The following TAB2 variants were observed in gnomAD, a reference collection of about 807,000 sequenced individuals.
TAB2 encodes TGF-beta activated kinase 1 (MAP3K7) binding protein 2.
In TAB2, 3 loss-of-function variants were observed where a neutral mutation model predicts 65.0. The observed-to-expected ratio is 0.05, with a 90% confidence interval of 0.02 to 0.12. The LOEUF (loss-of-function observed/expected upper bound fraction) is 0.12. Ranked by LOEUF, TAB2 falls within the 10% of genes least tolerant of loss-of-function variation. The pLI is 1.00. For missense variants in TAB2, 623 were observed against 840.3 expected (o/e 0.74, Z 3.20); for synonymous variants, 298 against 285.1 (o/e 1.05, Z -0.46).
intron 2 of TAB2, among the ~76,000 whole-genome samples, chr6:149,375,700 TA>T (rs1432219482): frequency 6.6e-6 from 1 of 152,072 alleles, no homozygotes; most frequent in Non-Finnish European, 1.5e-5. Flanking sequence ...AAATTTAACT[TA>T]AAGCAAAAAG....
In TAB2 at chr6:149,402,167, TCAA is replaced by T. The variant is rs539091833; in HGVS notation, c.1939+2987_1939+2989del. On this transcript the variant is annotated intron_variant, in intron 6 of 6. Coordinates refer to ENST00000637181, the MANE Select transcript of TAB2 (RefSeq NM_001292034.3). ...TAAAACTAAGAGGTTTTTTAAAAAA[TCAA>T]CAAGATTGACAAACCCTTAGCTAGA... 2.4e-3 allele frequency among the ~76,000 whole-genome samples: 357 copies of T among 151,104 alleles called. 2 individuals carry two copies. The highest frequency in any genetic ancestry group is 8.4e-3 in the African/African-American group (346 of 41,166).
intron 1 of TAB2, among the ~76,000 whole-genome samples, chr6:149,222,444 C>T (rs1777168398): frequency 6.6e-6 from 1 of 151,970 alleles, no homozygotes; most frequent in Non-Finnish European, 1.5e-5. Flanking sequence ...ATGGTGAAAC[C>T]CTGTCCCTAC....
intron 1 of TAB2, among the ~76,000 whole-genome samples, chr6:149,333,305 G>A (rs1172884190): frequency 1.3e-5 from 2 of 152,186 alleles, no homozygotes; most frequent in East Asian, 3.8e-4. Context: ...GATTAGTGAG[G>A]CGTACATTTT....
intron 1 of TAB2, among the ~76,000 whole-genome samples, chr6:149,238,434 A>G (rs1176560003): frequency 2.0e-5 from 3 of 152,084 alleles, no homozygotes; most frequent in African/African-American, 7.2e-5. Flanking sequence ...AAATCGGGGT[A>G]CATCTCCACA....
At chr6:149,356,928 A>G (rs1780672201) in intron 1 of TAB2, among the ~76,000 whole-genome samples, 2 of 152,170 alleles carry the variant, frequency 1.3e-5, no homozygotes, top group African/African-American at 4.8e-5. Context: ...GAATTTTTTT[A>G]CAGTAATTTA....
chr6:149,292,107 A>G (rs938273065), intron 1 of TAB2, among the ~76,000 whole-genome samples: 1 of 152,248 alleles, frequency 6.6e-6, no homozygotes, highest in African/African-American at 2.4e-5. Flanking sequence ...GAGAAACTTC[A>G]TAAAGGAGTA....
Position 149,309,144 on chromosome 6 carries a change from A to G in TAB2, c.-120-68874A>G, listed in dbSNP as rs114615646. On this transcript the variant is annotated intron_variant, in intron 1 of 1. Transcript: ENST00000606202. ...TTCCAAAAGTTTTTAAACTTCATGT[A>G]GTAAAAATCGATATATTCCTTCGTG... is the stretch of plus-strand genomic sequence containing the variant. 3.3e-3 allele frequency among the ~76,000 whole-genome samples: 505 copies of G among 152,270 alleles called. 2 individuals are homozygous for G. Among genetic ancestry groups the G allele is most frequent in the African/African-American group, 0.012 (479 of 41,536 alleles).
At chr6:149,312,236 A>G (rs931956551) in intron 1 of TAB2, among the ~76,000 whole-genome samples, 1 of 152,270 alleles carries the variant, frequency 6.6e-6, no homozygotes, top group Non-Finnish European at 1.5e-5. Context: ...TTTTGTGCAC[A>G]TAAGAGCATG....
intron 6 of TAB2, 38 bp from the exon 7 acceptor site, chr6:149,409,539 A>C (rs959146488): frequency 6.3e-7 from 1 of 1,595,106 alleles, no homozygotes; most frequent in East Asian, 2.2e-5. Flanking sequence ...AGACTTTGTG[A>C]TTTTTTACTT....
intron 3 of TAB2, among the ~76,000 whole-genome samples, chr6:149,391,740 C>T (rs929882787): frequency 1.3e-5 from 2 of 151,852 alleles, no homozygotes; most frequent in African/African-American, 2.4e-5. Flanking sequence ...ACAGCATCTC[C>T]GTTTGTTGCC....
At chr6:149,297,984 G>A (rs1254654678) in intron 1 of TAB2, among the ~76,000 whole-genome samples, 3 of 152,046 alleles carry the variant, frequency 2.0e-5, no homozygotes, top group Admixed American at 1.3e-4. Flanking sequence ...CAATACATTG[G>A]ATTATGAAAA....
intron 1 of TAB2, among the ~76,000 whole-genome samples, chr6:149,353,018 C>T (rs1410827051): frequency 6.6e-6 from 1 of 152,118 alleles, no homozygotes; most frequent in African/African-American, 2.4e-5. Flanking sequence ...CTAAGATTTA[C>T]CTGTTTTGAA....
chr6:149,382,558 T>G (rs1392990951), intron 3 of TAB2, among the ~76,000 whole-genome samples: 1 of 151,780 alleles, frequency 6.6e-6, no homozygotes, highest in Non-Finnish European at 1.5e-5. Context: ...ATCATGCCAT[T>G]GCACTCCAGC....
intron 1 of TAB2, chr6:149,243,622 T>C (rs1276162120): frequency 3.3e-5 from 5 of 152,250 alleles, no homozygotes; most frequent in African/African-American, 1.2e-4. Flanking sequence ...CCTTATTGAC[T>C]TACCTTTAGC....
At chr6:149,328,722 T>C (rs1412364344) in intron 1 of TAB2, among the ~76,000 whole-genome samples, 2 of 152,178 alleles carry the variant, frequency 1.3e-5, no homozygotes, top group East Asian at 1.9e-4. Flanking sequence ...AAGAGACATA[T>C]ATACAAACAC....
At chr6:149,325,736 T>C (rs1367263692) in intron 1 of TAB2, among the ~76,000 whole-genome samples, 2 of 152,144 alleles carry the variant, frequency 1.3e-5, no homozygotes, top group Non-Finnish European at 2.9e-5. Context: ...ATCTTTATAC[T>C]TTTCTGTTAT....
At chr6:149,307,424 T>C (rs1779090344) in intron 1 of TAB2, among the ~76,000 whole-genome samples, 1 of 152,182 alleles carries the variant, frequency 6.6e-6, no homozygotes, top group Admixed American at 6.5e-5. Flanking sequence ...AATCCTCATT[T>C]ATCTTCCGTT....
At chr6:149,243,704 T>C (rs1208219145) in intron 1 of TAB2, 2 of 152,244 alleles carry the variant, frequency 1.3e-5, no homozygotes, top group Non-Finnish European at 2.9e-5. Context: ...ACAGTTCATT[T>C]TAAATATCCT....
intron 1 of TAB2, among the ~76,000 whole-genome samples, chr6:149,307,545 G>A (rs187219221): frequency 3.9e-5 from 6 of 152,070 alleles, no homozygotes; most frequent in Middle Eastern, 3.4e-3. Flanking sequence ...ACTTTTAACC[G>A]TTGTGGAAAT....
Sources: allele counts gnomAD v4.1 joint callset (sites outside exome capture counted in the v4.1 genomes callset), GRCh38; gene constraint gnomAD v4.1.1; transcripts MANE v1.5; gene names NCBI Gene and HGNC (gene_info 2026-07-23, HGNC 2026-07-21).